Variants in CERS3 observed in about 807,000 individuals in gnomAD.
CERS3 encodes the protein ceramide synthase 3.
Under a neutral mutation model 50.3 loss-of-function variants are expected in CERS3, and 33 were observed. The ratio of observed to expected loss-of-function variants is 0.66; its 90% confidence interval spans 0.50 to 0.88. The LOEUF (loss-of-function observed/expected upper bound fraction) is 0.88, where lower values mean the gene tolerates loss of function less well. Among genes scored for constraint, CERS3 ranks in the 40% least tolerant of loss-of-function variants. The probability of loss-of-function intolerance (pLI) is 0.00; values close to 1 mark genes in which losing one functional copy is unlikely to be tolerated. For synonymous variants in CERS3, 176 were observed against 155.2 expected (o/e 1.13, Z -0.99); for missense variants, 470 against 460.3 (o/e 1.02, Z -0.19).
At chr15:100,449,805 T>C (rs183920508) in intron 11 of CERS3, among the ~76,000 whole-genome samples, 4 of 152,316 alleles carry the variant, frequency 2.6e-5, no homozygotes, top group African/African-American at 7.2e-5. Context: ...GATGTGTAGA[T>C]ATCAATTTAA....
At chr15:100,405,425 A>G (rs1026798060) in intron 11 of CERS3, among the ~76,000 whole-genome samples, 76 of 152,152 alleles carry the variant, frequency 5.0e-4, no homozygotes, top group South Asian at 6.2e-4. Context: ...GAATAGCACA[A>G]GTTAAAATGA....
intron 11 of CERS3, among the ~76,000 whole-genome samples, chr15:100,415,491 C>T (rs778699174): frequency 2.6e-5 from 4 of 152,162 alleles, no homozygotes; most frequent in Non-Finnish European, 5.9e-5. Flanking sequence ...GACACATGCA[C>T]ATGTATGTTT....
At position 100,417,390 on chromosome 15, in the gene CERS3, G is replaced by A. The variant is rs528069324; in HGVS notation, c.1000-14525C>T. ...TTTTCCGACGGGCTTAAAAAATGGCGCACCACGAGATTATATCCCACACCT... is the reference window on the plus strand; with the variant it reads ...TTTTCCGACGGGCTTAAAAAATGGCACACCACGAGATTATATCCCACACCT... On this transcript the variant is annotated intron_variant, in intron 11 of 11. Coordinates refer to ENST00000679737, the MANE Select transcript of CERS3 (RefSeq NM_001378789.1). 3.3e-5 allele frequency among the ~76,000 whole-genome samples: 5 copies of A among 152,160 alleles called. No homozygotes were observed. In the South Asian group the frequency reaches 8.3e-4, roughly 25 times the overall value.
chr15:100,454,648 T>G (rs906262221), intron 11 of CERS3, among the ~76,000 whole-genome samples: 1 of 152,122 alleles, frequency 6.6e-6, no homozygotes, highest in Admixed American at 6.6e-5. Flanking sequence ...CTTCAGGACA[T>G]TGGTCTAGGC....
intron 2 of CERS3, among the ~76,000 whole-genome samples, chr15:100,517,929 C>G (rs11247215): frequency 0.013 from 2,039 of 152,294 alleles, 56 homozygotes; most frequent in African/African-American, 0.047. Context: ...AGCAATATCT[C>G]TGGCCAAGGG....
At chr15:100,449,416 C>T (rs2034070889) in intron 11 of CERS3, among the ~76,000 whole-genome samples, 2 of 152,218 alleles carry the variant, frequency 1.3e-5, no homozygotes, top group Non-Finnish European at 2.9e-5. Context: ...CCATCACTGC[C>T]ACTGTTGGCA....
chr15:100,430,718 AATAC>A (rs1295797554), intron 11 of CERS3, among the ~76,000 whole-genome samples: 11 of 141,794 alleles, frequency 7.8e-5, no homozygotes, highest in African/African-American at 2.6e-4. Flanking sequence ...GTATGAAAAA[AATAC>A]ATTCAGTCAG....
chr15:100,417,362 C>T (rs986709743), intron 11 of CERS3, among the ~76,000 whole-genome samples: 2 of 152,268 alleles, frequency 1.3e-5, no homozygotes. Flanking sequence ...CCTAATACTG[C>T]GCTTTTCCGA....
chr15:100,544,578 C>T (rs1484824300), intron 1 of CERS3: 1 of 152,604 alleles, frequency 6.6e-6, no homozygotes, highest in Non-Finnish European at 1.5e-5. Flanking sequence ...CCCCACACAC[C>T]GCGGTGAGCA....
chr15:100,538,864 C>G (rs2037134698), intron 1 of CERS3, among the ~76,000 whole-genome samples: 1 of 152,206 alleles, frequency 6.6e-6, no homozygotes, highest in Non-Finnish European at 1.5e-5. Flanking sequence ...TGCAAATTTT[C>G]TGAGCCTGTA....
chr15:100,473,003 C>T lies in CERS3; in HGVS notation c.659G>A (p.Ser220Asn). The change falls in exon 9 of 12, where the codon AGC becomes AAC. Residue 220 changes from serine to asparagine, a missense_variant. Transcript: ENST00000679737. ...IHHLAAISLM[S>N]FSWCANYIRS... ...AATATAATTAGCACACCAAGAGAAG[C>T]TCATCAGACTAATAGCAGCCAGGTG... The T allele has an allele frequency of 2.5e-6, 4 of 1,613,874 alleles. No homozygotes were observed. Among genetic ancestry groups the T allele is most frequent in the Non-Finnish European group, 2.5e-6 (3 of 1,179,906 alleles).
intron 10 of CERS3, among the ~76,000 whole-genome samples, chr15:100,464,293 C>T (rs1341509804): frequency 6.6e-6 from 1 of 152,224 alleles, no homozygotes; most frequent in East Asian, 1.9e-4. Context: ...TAGTCTTCAA[C>T]CACATGAAAC....
At position 100,455,914 on chromosome 15, in the gene CERS3, G is replaced by A; in HGVS notation, c.978C>T (p.Leu326=). The change falls in exon 11 of 12, where the codon CTC becomes CTT. Residue 326 remains leucine, a synonymous_variant. Coordinates refer to ENST00000679737, the MANE Select transcript of CERS3 (RefSeq NM_001378789.1). ...LYWGYYILKM[L]NRCIFMKSIQ... Reference sequence around the variant, plus strand: ...TTACCTTCATGAATATACATCTGTTGAGCATCTTCAAGATGTAATAACCCC... The same window carrying A: ...TTACCTTCATGAATATACATCTGTTAAGCATCTTCAAGATGTAATAACCCC... The A allele has an allele frequency of 6.2e-7, 1 of 1,611,374 alleles. No homozygotes were observed. The highest frequency in any genetic ancestry group is 8.5e-7 in the Non-Finnish European group (1 of 1,178,622).
At chr15:100,525,865 C>T (rs2036773010) in intron 1 of CERS3, among the ~76,000 whole-genome samples, 1 of 152,228 alleles carries the variant, frequency 6.6e-6, no homozygotes, top group African/African-American at 2.4e-5. Context: ...TGCCTTCTTT[C>T]ATACTGCCAA....
intron 11 of CERS3, among the ~76,000 whole-genome samples, chr15:100,430,476 T>TA (rs2142117734): frequency 6.6e-6 from 1 of 152,336 alleles, no homozygotes; most frequent in East Asian, 1.9e-4. Context: ...ACATCTGTAC[T>TA]ACAGCTTCCA....
chr15:100,543,796 C>G (rs2037263593), intron 1 of CERS3, among the ~76,000 whole-genome samples: 1 of 152,198 alleles, frequency 6.6e-6, no homozygotes, highest in African/African-American at 2.4e-5. Flanking sequence ...TCTCAAAGTG[C>G]TGGGATTACA....
rs73475779 is a variant in CERS3 at position 100,528,594 on chromosome 15, A to G, written c.-92+219T>C. Among the ~76,000 whole-genome samples the G allele has an allele frequency of 8.5e-3, 1,297 of 152,260 alleles. 23 individuals carry two copies. The highest frequency in any genetic ancestry group is 0.029 in the African/African-American group (1,217 of 41,554). ...AACACTTCCAAGCAAAACTCTACAA[A>G]GCAAAGGGCCCCAAGTCTGTCTTTT... On this transcript the variant is annotated intron_variant, in intron 1 of 11. Coordinates refer to ENST00000679737, the MANE Select transcript of CERS3 (RefSeq NM_001378789.1).
At chr15:100,451,535 C>T (rs1038015813) in intron 11 of CERS3, among the ~76,000 whole-genome samples, 1 of 152,098 alleles carries the variant, frequency 6.6e-6, no homozygotes, top group African/African-American at 2.4e-5. Context: ...AACCCTGTCT[C>T]TACTAAAAAT....
At chr15:100,430,451 A>T (rs2033068437) in intron 11 of CERS3, among the ~76,000 whole-genome samples, 2 of 152,214 alleles carry the variant, frequency 1.3e-5, no homozygotes, top group South Asian at 4.1e-4. Flanking sequence ...GCATTTCCTT[A>T]CACCTCTGGG....
Sources: gnomAD v4.1 joint callset for allele counts (sites outside exome capture counted in the v4.1 genomes callset) on GRCh38, gnomAD v4.1.1 for gene constraint, MANE v1.5 for transcripts, NCBI Gene and HGNC (gene_info 2026-07-23, HGNC 2026-07-21) for gene names.